The following TNR variants were observed in gnomAD, a reference collection of about 807,000 sequenced individuals.
TNR encodes tenascin-R.
In TNR, 45 loss-of-function variants were observed where a neutral mutation model predicts 150.4. The observed-to-expected ratio is 0.30, with a 90% confidence interval of 0.24 to 0.38. The LOEUF is 0.38. TNR is among the 10% of genes least tolerant of loss of function. The pLI is 1.00. For synonymous variants in TNR, 687 were observed against 678.4 expected (o/e 1.01, Z -0.20); for missense variants, 1,544 against 1,759.1 (o/e 0.88, Z 2.19).
intron 15 of TNR, among the ~76,000 whole-genome samples, chr1:175,359,004 T>C (rs1651458083): frequency 6.6e-6 from 1 of 152,146 alleles, no homozygotes; most frequent in Non-Finnish European, 1.5e-5. Context: ...CTTAGCTCTG[T>C]TCTGAGTTTC....
At chr1:175,662,385 GC>G (rs914869356) in intron 1 of TNR, among the ~76,000 whole-genome samples, 23 of 151,968 alleles carry the variant, frequency 1.5e-4, no homozygotes, top group Middle Eastern at 3.4e-3. Context: ...TCCCTGAGCA[GC>G]CCCTTCTCAC....
intron 2 of TNR, among the ~76,000 whole-genome samples, chr1:175,493,531 C>T (rs979360379): frequency 3.9e-5 from 6 of 152,252 alleles, no homozygotes; most frequent in South Asian, 2.1e-4. Context: ...GGTCATCCCC[C>T]GGATTTCTAA....
chr1:175,667,528 G>A (rs1167760884), intron 1 of TNR, among the ~76,000 whole-genome samples: 5 of 152,188 alleles, frequency 3.3e-5, no homozygotes, highest in Admixed American at 2.6e-4. Context: ...GGTGAATAAG[G>A]CCCTTCTTTG....
chr1:175,689,550 G>T (rs1008391198), intron 1 of TNR, among the ~76,000 whole-genome samples: 3 of 152,144 alleles, frequency 2.0e-5, no homozygotes, highest in African/African-American at 7.2e-5. Context: ...TCTTCCTGGG[G>T]TGATAGAGAA....
At chr1:175,376,469 G>A (rs57343374) in intron 9 of TNR, among the ~76,000 whole-genome samples, 56,905 of 151,848 alleles carry the variant, frequency 0.37, 10,936 homozygotes, top group East Asian at 0.52. Context: ...GGCAAGCCTG[G>A]GTACAGAGTT....
chr1:175,445,078 A>G (rs1162501668), intron 2 of TNR, among the ~76,000 whole-genome samples: 4 of 152,098 alleles, frequency 2.6e-5, no homozygotes, highest in Non-Finnish European at 5.9e-5. Context: ...AGACCATCCT[A>G]GCTAACACGG....
intron 9 of TNR, among the ~76,000 whole-genome samples, chr1:175,372,749 A>G (rs751982787): frequency 5.9e-5 from 9 of 152,228 alleles, no homozygotes; most frequent in Admixed American, 4.6e-4. Context: ...TGGGGTCTGC[A>G]GACTTGGTTG....
intron 21 of TNR, among the ~76,000 whole-genome samples, chr1:175,329,023 G>A (rs1343453001): frequency 1.3e-5 from 2 of 152,182 alleles, no homozygotes; most frequent in Admixed American, 1.3e-4. Flanking sequence ...TTTTGTTGGG[G>A]GCACTTCAGG....
chr1:175,553,249 G>A (rs1044601982), intron 1 of TNR, among the ~76,000 whole-genome samples: 1 of 152,126 alleles, frequency 6.6e-6, no homozygotes, highest in Non-Finnish European at 1.5e-5. Context: ...CACCCTCAAT[G>A]GCTGCTGAGG....
At chr1:175,682,197 A>C (rs1666054983) in intron 1 of TNR, among the ~76,000 whole-genome samples, 1 of 152,158 alleles carries the variant, frequency 6.6e-6, no homozygotes, top group Non-Finnish European at 1.5e-5. Context: ...CCCTCTGAAA[A>C]AGTTACAATG....
Position 175,696,217 on chromosome 1 carries a change from G to GTTTT in TNR, c.-165+47005_-165+47008dup, listed in dbSNP as rs5778870. On this transcript the variant is annotated intron_variant, in intron 1 of 22. Transcript: ENST00000367674. ...ATGCCATTAAATGAGCCTTCCTGTAGTTTTTTTTTTTTTTTTTTTTTTTTT... is the reference window on the plus strand; with the variant it reads ...ATGCCATTAAATGAGCCTTCCTGTAGTTTTTTTTTTTTTTTTTTTTTTTTTTTTT... 4.8e-3 allele frequency among the ~76,000 whole-genome samples: 194 copies of GTTTT among 40,404 alleles called. 3 individuals carry two copies. The highest frequency in any genetic ancestry group is 0.013 in the African/African-American group (176 of 13,078). 26.5% of individuals were successfully genotyped at this position (40,404 alleles called of 152,430 possible).
At chr1:175,516,967 T>G (rs975341711) in intron 2 of TNR, among the ~76,000 whole-genome samples, 3 of 151,014 alleles carry the variant, frequency 2.0e-5, no homozygotes, top group African/African-American at 7.3e-5. Flanking sequence ...TTGACACTTT[T>G]TAATCCCTGA....
intron 2 of TNR, among the ~76,000 whole-genome samples, chr1:175,480,404 AAAAGAAAGAAAGAAAAAAG>A (rs990525661): frequency 5.8e-5 from 7 of 120,744 alleles, no homozygotes; most frequent in South Asian, 2.7e-4. Context: ...AAAGAAAGAA[AAAAGAAAGAAAGAAAAAAG>A]AAAGAAAGAA....
intron 4 of TNR, among the ~76,000 whole-genome samples, chr1:175,400,716 C>T (rs1176525402): frequency 5.3e-5 from 8 of 152,270 alleles, no homozygotes; most frequent in South Asian, 4.1e-4. Context: ...GTGTTTTCAC[C>T]TTCCTAACCC....
chr1:175,369,630 CTG>C, intron 9 of TNR, among the ~76,000 whole-genome samples: 1 of 151,654 alleles, frequency 6.6e-6, no homozygotes. Context: ...TAAAAAGAAA[CTG>C]TGGCACGGAG....
chr1:175,618,122 T>C (rs11579126), intron 1 of TNR, among the ~76,000 whole-genome samples: 75,716 of 152,124 alleles, frequency 0.5, 20,737 homozygotes, highest in African/African-American at 0.75. Flanking sequence ...GCTCCCTGCA[T>C]TCACCCAATT....
At chr1:175,598,978 C>T (rs1360824080) in intron 1 of TNR, among the ~76,000 whole-genome samples, 1 of 152,202 alleles carries the variant, frequency 6.6e-6, no homozygotes, top group Non-Finnish European at 1.5e-5. Flanking sequence ...AGAGGAGATG[C>T]GTCCTTAAAT....
intron 2 of TNR, among the ~76,000 whole-genome samples, chr1:175,489,111 A>G (rs1187906336): frequency 1.3e-5 from 2 of 152,214 alleles, no homozygotes; most frequent in African/African-American, 4.8e-5. Flanking sequence ...AAGGATGGAA[A>G]AAGGTGATAT....
chr1:175,476,860 T>C (rs1335860686), intron 2 of TNR, among the ~76,000 whole-genome samples: 1 of 152,192 alleles, frequency 6.6e-6, no homozygotes, highest in African/African-American at 2.4e-5. Flanking sequence ...AGCAAACTCA[T>C]AACTATTGGT....
Sources: gnomAD v4.1 joint callset for allele counts (sites outside exome capture counted in the v4.1 genomes callset) on GRCh38, gnomAD v4.1.1 for gene constraint, MANE v1.5 for transcripts, NCBI Gene and HGNC (gene_info 2026-07-23, HGNC 2026-07-21) for gene names.